The following HACD4 variants were observed in gnomAD, a reference collection of about 807,000 sequenced individuals.
The protein encoded by HACD4 is 3-hydroxyacyl-CoA dehydratase 4.
HACD4 carries 35 observed loss-of-function variants against 33.3 expected under a neutral mutation model. The observed-to-expected ratio is 1.05, with a 90% CI of 0.80 to 1.39. The LOEUF is 1.39. Among genes scored for constraint, HACD4 ranks in the 40% most tolerant of loss-of-function variants. The probability of loss-of-function intolerance (pLI) is 0.00; values close to 1 mark genes in which losing one functional copy is unlikely to be tolerated. For missense variants in HACD4, 323 were observed against 276.5 expected, an observed-to-expected ratio of 1.17 and a Z score of -1.19; for synonymous variants, 118 against 98.0, an observed-to-expected ratio of 1.20 and a Z score of -1.21.
chr9:21,018,418 C>T (rs974272490), intron 3 of HACD4, among the ~76,000 whole-genome samples: 17 of 152,166 alleles, frequency 1.1e-4, no homozygotes, highest in Non-Finnish European at 2.4e-4. Context: ...ACCATTGTTA[C>T]TTGATATGAG....
chr9:21,020,417 A>C (rs761277441), intron 3 of HACD4, among the ~76,000 whole-genome samples: 2 of 152,170 alleles, frequency 1.3e-5, no homozygotes, highest in Non-Finnish European at 2.9e-5. Flanking sequence ...GAGTTGAAAC[A>C]TCCTAAAGCA....
chr9:21,029,409 A>G lies in HACD4; in HGVS notation c.39-11T>C. On this transcript the variant is annotated splice_polypyrimidine_tract_variant and intron_variant, in intron 1 of 6. Transcript: ENST00000495827. ...GCATTCTTCCTATACCTATAAATAC[A>G]GGAAAATACCATTAAACACTTCTTT... 6.8e-7 allele frequency: 1 copy of G among 1,459,872 alleles called. No individual in the cohort carries two copies. The allele number at this position is 1,459,872 out of a possible 1,614,324, so 90.4% of individuals were successfully genotyped here.
chr9:21,022,733 G>C (rs1265204620), intron 3 of HACD4, among the ~76,000 whole-genome samples: 2 of 151,036 alleles, frequency 1.3e-5, no homozygotes, highest in Admixed American at 6.6e-5. Flanking sequence ...TGCTGGAGAG[G>C]ATGTGGAGAA....
Position 21,000,287 on chromosome 9 carries a change from C to T in HACD4, c.*6750G>A, listed in dbSNP as rs780721525. 9 of 152,232 alleles carry T rather than the reference C, an allele frequency of 5.9e-5. No homozygotes were observed. The highest frequency in any genetic ancestry group is 1.9e-4 in the East Asian group (1 of 5,188). The allele number at this position is 152,232 out of a possible 1,614,324, so 9.4% of individuals were successfully genotyped here. On this transcript the variant is annotated 3_prime_UTR_variant, in exon 7 of 7. Transcript: ENST00000495827. Reference sequence around the variant, plus strand: ...TGGCATGTTAAAAACATGTTCAGAACTACTATTTAAGGATTTTTAAAGCCA... The same window carrying T: ...TGGCATGTTAAAAACATGTTCAGAATTACTATTTAAGGATTTTTAAAGCCA...
At chr9:21,022,596 C>T (rs1817948197) in intron 3 of HACD4, among the ~76,000 whole-genome samples, 1 of 150,848 alleles carries the variant, frequency 6.6e-6, no homozygotes, top group East Asian at 2.0e-4. Flanking sequence ...CACATTTATG[C>T]AGCCAACAGA....
Position 21,004,992 on chromosome 9 carries a change from A to G in HACD4, c.*2045T>C, listed in dbSNP as rs1017547347. On this transcript the variant is annotated 3_prime_UTR_variant, in exon 7 of 7. Transcript: ENST00000495827. This position sits in a 1 kb window ranked among gnomAD's most constrained non-coding sequence, Gnocchi z 4.6. ...GAAAGCCTCCATCTTCATAGAGAAC[A>G]CGTAAATCACCATGAAGATAATGTT... is the stretch of plus-strand genomic sequence containing the variant. The G allele has an allele frequency of 9.9e-5, 15 of 152,228 alleles. No homozygotes were observed. The highest frequency in any genetic ancestry group is 3.6e-4 in the African/African-American group (15 of 41,450). The allele number at this position is 152,228 out of a possible 1,614,324, so 9.4% of individuals were successfully genotyped here. A position where few individuals can be genotyped will look rare whatever the true frequency, so the allele number is the denominator to read the frequency against.
intron 4 of HACD4, among the ~76,000 whole-genome samples, chr9:21,012,638 C>A (rs1332916989): frequency 6.6e-6 from 1 of 152,156 alleles, no homozygotes; most frequent in Non-Finnish European, 1.5e-5. Flanking sequence ...AGAATATATA[C>A]CAGCAGTGGA....
At chr9:21,025,054 G>GAT (rs1818027457) in intron 3 of HACD4, among the ~76,000 whole-genome samples, 1 of 152,124 alleles carries the variant, frequency 6.6e-6, no homozygotes, top group Admixed American at 6.5e-5. Flanking sequence ...TTGCTGTTGG[G>GAT]ACAGATCTGT....
chr9:21,007,569 T>C (rs1313843625), intron 6 of HACD4, among the ~76,000 whole-genome samples: 2 of 152,196 alleles, frequency 1.3e-5, no homozygotes, highest in Non-Finnish European at 2.9e-5. Flanking sequence ...CAAGGGTAAG[T>C]TTTTGTTCCA....
rs1244264657 is a variant in HACD4 at position 21,004,494 on chromosome 9, A to T, written c.*2543T>A. The T allele has an allele frequency of 6.6e-6, 1 of 152,204 alleles. No homozygotes were observed. The highest frequency in any genetic ancestry group is 1.5e-5 in the Non-Finnish European group (1 of 68,022). The allele number at this position is 152,204 out of a possible 1,614,324, so 9.4% of individuals were successfully genotyped here. Reference sequence around the variant, plus strand: ...TGGAACCTTCATAAATGGGATTAGTACCTTTACAATAAGAAATAAGGGAGA... The same window carrying T: ...TGGAACCTTCATAAATGGGATTAGTTCCTTTACAATAAGAAATAAGGGAGA... On this transcript the variant is annotated 3_prime_UTR_variant, in exon 7 of 7. Coordinates refer to ENST00000495827, the MANE Select transcript of HACD4 (RefSeq NM_001010915.5). The surrounding 1 kb of genome is among the most constrained non-coding windows in gnomAD (Gnocchi z 4.6).
At position 21,031,622 on chromosome 9, in the gene HACD4, C is replaced by G. The variant is rs1445649030; in HGVS notation, c.-32G>C. The G allele has an allele frequency of 6.5e-6, 9 of 1,383,426 alleles. No individual in the cohort carries two copies. Among genetic ancestry groups the G allele is most frequent in the Non-Finnish European group, 8.4e-6 (9 of 1,074,104 alleles). 85.7% of individuals were successfully genotyped at this position (1,383,426 alleles called of 1,614,324 possible). A position where few individuals can be genotyped will look rare whatever the true frequency, so the allele number is the denominator to read the frequency against. On this transcript the variant is annotated 5_prime_UTR_variant, in exon 1 of 7. Coordinates refer to ENST00000495827, the MANE Select transcript of HACD4 (RefSeq NM_001010915.5). Reference sequence around the variant, plus strand: ...CCGCCGCCAGGGCTTCCAGCGCGGTCCAGGAAGGAGTACCGGGGAGGAGGC... The same window carrying G: ...CCGCCGCCAGGGCTTCCAGCGCGGTGCAGGAAGGAGTACCGGGGAGGAGGC...
chr9:21,008,023 A>G lies in HACD4; in HGVS notation c.614T>C (p.Ile205Thr), dbSNP rs764771945. 2 of 1,595,876 alleles carry G rather than the reference A, an allele frequency of 1.3e-6. No homozygotes were observed. The highest frequency in any genetic ancestry group is 1.1e-5 in the South Asian group (1 of 87,502). Reference protein sequence around the residue: ...VLKIYLMMLFIGMYFTYSHLY... With the variant: ...VLKIYLMMLFTGMYFTYSHLY... ...ACAAGACCAAAAAAGCCACTTACCT[A>G]TAAAGAGCATCATGAGATATATTTT... The change falls in exon 6 of 7, where the codon ATA (isoleucine) becomes ACA (threonine). Residue 205 changes from isoleucine (I) to threonine (T), a missense_variant and splice_region_variant. By Grantham distance (89) the Ile-to-Thr change is moderately conservative. Coordinates refer to ENST00000495827, the MANE Select transcript of HACD4 (RefSeq NM_001010915.5).
intron 1 of HACD4, among the ~76,000 whole-genome samples, chr9:21,031,154 G>C (rs10964803): frequency 0.71 from 107,451 of 151,774 alleles, 38,277 homozygotes; most frequent in East Asian, 0.92. Context: ...TCTGTTCCCC[G>C]CCGGAACTAG....
At position 21,000,715 on chromosome 9, in the gene HACD4, G is replaced by A. The variant is rs1286367437; in HGVS notation, c.*6322C>T. 1 of 152,056 alleles carries A rather than the reference G, an allele frequency of 6.6e-6. No homozygotes were observed. The highest frequency in any genetic ancestry group is 1.5e-5 in the Non-Finnish European group (1 of 67,990). The allele number at this position is 152,056 out of a possible 1,614,324, so 9.4% of individuals were successfully genotyped here. On this transcript the variant is annotated 3_prime_UTR_variant, in exon 7 of 7. Transcript: ENST00000495827. ...TATTAAAAAGCAGTAATAAACAAGTGGAAGATAGATACTGGGTAAAGGAAG... is the reference window on the plus strand; with the variant it reads ...TATTAAAAAGCAGTAATAAACAAGTAGAAGATAGATACTGGGTAAAGGAAG...
At position 21,009,436 on chromosome 9, in the gene HACD4, G is replaced by A. The variant is rs1011871903; in HGVS notation, c.491-1290C>T. Among the ~76,000 whole-genome samples, 42 of 151,992 alleles carry A rather than the reference G, an allele frequency of 2.8e-4. 1 individual carries two copies. The highest frequency in any genetic ancestry group is 7.7e-4 in the African/African-American group (32 of 41,404). On this transcript the variant is annotated intron_variant, in intron 5 of 6. Transcript: ENST00000495827. ...TAGAAAAGACAAGGATTAGAATTAT[G>A]GAATAACAAGAATGCAAAAGTTTCC...
Position 21,007,001 on chromosome 9 carries a change from C to T in HACD4, c.*36G>A, listed in dbSNP as rs1436795801. On this transcript the variant is annotated 3_prime_UTR_variant, in exon 7 of 7. Transcript: ENST00000495827. ...TTTATTTACTGCACTGAATCCACAG[C>T]CTGTCTTTTCTCGTGTCACACTGGA... 1.7e-5 allele frequency: 19 copies of T among 1,146,272 alleles called. No homozygotes were observed. In the Middle Eastern group the frequency reaches 1.2e-3, roughly 71 times the overall value. The allele number at this position is 1,146,272 out of a possible 1,614,324, so 71.0% of individuals were successfully genotyped here.
rs1235099780 is a variant in HACD4, at chr9:21,011,631, T to A, written c.448A>T (p.Thr150Ser). ...AAAGGATAAATTGGCATCCATAGTGTTTGACTGAGCCATGTCAAGACAGCA... is the reference window on the plus strand; with the variant it reads ...AAAGGATAAATTGGCATCCATAGTGATTGACTGAGCCATGTCAAGACAGCA... ...SYAVLTWLSQ[T>S]LWMPIYPLCV... Residue 150 changes from threonine to serine, a missense_variant, in exon 5 of 7, where the codon ACA becomes TCA. Thr to Ser is a moderately conservative substitution (Grantham distance 58). Transcript: ENST00000495827. The A allele has an allele frequency of 6.2e-7, 1 of 1,612,064 alleles. No homozygotes were observed. The highest frequency in any genetic ancestry group is 1.7e-5 in the Admixed American group (1 of 59,950).
At chr9:21,030,285 A>G (rs1818176500) in intron 1 of HACD4, among the ~76,000 whole-genome samples, 1 of 151,148 alleles carries the variant, frequency 6.6e-6, no homozygotes, top group Non-Finnish European at 1.5e-5. Context: ...AAAAAAAAAA[A>G]AAGCCGGATG....
chr9:21,015,743 A>C (rs1367038951), intron 4 of HACD4, 155 bp downstream of exon 4: 1 of 515,850 alleles, frequency 1.9e-6, no homozygotes, highest in Non-Finnish European at 3.4e-6. Context: ...CATTATGGAG[A>C]ACACTAAAAA....
Sources: gnomAD v4.1 joint callset for allele counts (sites outside exome capture counted in the v4.1 genomes callset) on GRCh38, gnomAD v4.1.1 for gene constraint, Gnocchi (gnomAD v3.1) non-coding constraint, MANE v1.5 for transcripts, NCBI Gene and HGNC (gene_info 2026-07-23, HGNC 2026-07-21) for gene names.